Variants in SAA4 observed in about 807,000 individuals in gnomAD.
SAA4 encodes the protein serum amyloid A4, constitutive.
SAA4 carries 8 observed loss-of-function variants against 11.2 expected under a neutral mutation model. That is an observed-to-expected ratio of 0.71 (90% CI 0.42 to 1.29). The LOEUF (loss-of-function observed/expected upper bound fraction) is 1.29. Among genes scored for constraint, SAA4 ranks in the 50% most tolerant of loss-of-function variants. The probability of loss-of-function intolerance (pLI) is 0.01; values close to 1 mark genes in which losing one functional copy is unlikely to be tolerated. For missense variants in SAA4, 171 were observed against 164.2 expected, an observed-to-expected ratio of 1.04 and a Z score of -0.23; for synonymous variants, 60 against 56.2, an observed-to-expected ratio of 1.07 and a Z score of -0.30.
At chr11:18,232,622 G>A (rs1185655724) in intron 2 of SAA4, 89 bp from the exon 3 acceptor site, 9 of 1,526,222 alleles carry the variant, frequency 5.9e-6, no homozygotes, top group Non-Finnish European at 7.9e-6. Flanking sequence ...CCAGATTTTG[G>A]CCCTTGACAA....
chr11:18,235,493 C>T (rs1401457109), intron 2 of SAA4, among the ~76,000 whole-genome samples: 1 of 152,176 alleles, frequency 6.6e-6, no homozygotes, highest in Non-Finnish European at 1.5e-5. Flanking sequence ...ATTGTGAACT[C>T]AGTATATTCC....
chr11:18,232,245 G>A, intron 3 of SAA4, 150 bp downstream of exon 3: 2 of 1,204,392 alleles, frequency 1.7e-6, no homozygotes, highest in East Asian at 2.4e-5. Context: ...GGTGAAAGGA[G>A]ACATGTCTTC....
chr11:18,234,464 G>A (rs949130187), intron 2 of SAA4, among the ~76,000 whole-genome samples: 1 of 152,200 alleles, frequency 6.6e-6, no homozygotes, highest in Non-Finnish European at 1.5e-5. Context: ...ATAGATGTTT[G>A]AAACAGGTCT....
intron 2 of SAA4, 98 bp downstream of exon 2, chr11:18,235,738 T>C: frequency 8.4e-7 from 1 of 1,197,538 alleles, no homozygotes; most frequent in Non-Finnish European, 1.2e-6. Context: ...CTCTGACCTC[T>C]GTGTGGCTTC....
At position 18,236,735 on chromosome 11, in the gene SAA4, A is replaced by C. The variant is rs1378609; in HGVS notation, c.-23T>G. On this transcript the variant is annotated 5_prime_UTR_variant, in exon 1 of 4. Coordinates refer to ENST00000278222, the MANE Select transcript of SAA4 (RefSeq NM_006512.4). ...ACCTCACCTGTGGACCTTTCTCCAG[A>C]TGAAATTTCAGTAAAGGCAGAGCTG... The C allele has an allele frequency of 0.91, 138,123 of 152,228 alleles. 63,453 individuals carry two copies. The highest frequency in any genetic ancestry group is 0.97 in the Non-Finnish European group (66,332 of 68,040). The allele number at this position is 152,228 out of a possible 1,614,324, so 9.4% of individuals were successfully genotyped here. A position where few individuals can be genotyped will look rare whatever the true frequency, so the allele number is the denominator to read the frequency against.
intron 2 of SAA4, among the ~76,000 whole-genome samples, chr11:18,234,232 A>G (rs1857179016): frequency 6.6e-6 from 1 of 152,210 alleles, no homozygotes; most frequent in South Asian, 2.1e-4. Context: ...ACACAGGGAC[A>G]CTAATCAACA....
At position 18,234,960 on chromosome 11, in the gene SAA4, C is replaced by G. The variant is rs187320520; in HGVS notation, c.91+876G>C. Among the ~76,000 whole-genome samples, 432 of 152,318 alleles carry G rather than the reference C, an allele frequency of 2.8e-3. 1 individual carries two copies. Among genetic ancestry groups the G allele is most frequent in the African/African-American group, 9.8e-3 (408 of 41,578 alleles). The stretch of plus-strand genomic sequence containing the variant: ...CTATGAGAAGAGGCTTCAGAGTGTA[C>G]TTTTAAAACAAACACCGGCCGATTT... On this transcript the variant is annotated intron_variant, in intron 2 of 3. Transcript: ENST00000278222.
At chr11:18,234,274 G>A (rs1034739981) in intron 2 of SAA4, among the ~76,000 whole-genome samples, 13 of 152,162 alleles carry the variant, frequency 8.5e-5, no homozygotes, top group African/African-American at 2.4e-4. Flanking sequence ...GTTACCTTTC[G>A]TGAGGGTTGT....
chr11:18,236,012 TTTTC>T, intron 1 of SAA4, 82 bp from the exon 2 acceptor site: 1 of 1,311,200 alleles, frequency 7.6e-7, no homozygotes, highest in African/African-American at 1.5e-5. Context: ...TCTTTCCTTT[TTTTC>T]TTTCTTTTTT....
chr11:18,232,764 C>T (rs1380666221), intron 2 of SAA4, among the ~76,000 whole-genome samples: 1 of 151,828 alleles, frequency 6.6e-6, no homozygotes, highest in Non-Finnish European at 1.5e-5. Flanking sequence ...ATGCCCTGGG[C>T]TACATCTTAC....
chr11:18,234,938 T>C (rs530766636), intron 2 of SAA4, among the ~76,000 whole-genome samples: 54 of 152,334 alleles, frequency 3.5e-4, no homozygotes, highest in African/African-American at 1.3e-3. Context: ...TCAGTAACTA[T>C]GAGAAGAGGC....
rs1157893917 is a variant in SAA4 at position 18,235,888 on chromosome 11, G to T, written c.39C>A (p.Val13=). 5.0e-6 allele frequency: 8 copies of T among 1,613,598 alleles called. No individual in the cohort carries two copies. Among genetic ancestry groups the T allele is most frequent in the Non-Finnish European group, 6.8e-6 (8 of 1,179,782 alleles). The change falls in exon 2 of 4, where the codon GTC becomes GTA. Residue 13 remains valine (V), a synonymous_variant. Coordinates refer to ENST00000278222, the MANE Select transcript of SAA4 (RefSeq NM_006512.4). ...GCCAGCTTTCACTGGTGACTCCCATGACCAAGGAGCAGAAAACAATGCCTG... is the reference window on the plus strand; with the variant it reads ...GCCAGCTTTCACTGGTGACTCCCATTACCAAGGAGCAGAAAACAATGCCTG... ...LFTGIVFCSL[V]MGVTSESWRS... is the part of the protein sequence containing the mutation.
At chr11:18,236,420 C>G (rs956394019) in intron 1 of SAA4, among the ~76,000 whole-genome samples, 8 of 152,136 alleles carry the variant, frequency 5.3e-5, no homozygotes, top group African/African-American at 1.9e-4. Context: ...AGAATCATAA[C>G]TGCATGAAAG....
intron 2 of SAA4, among the ~76,000 whole-genome samples, chr11:18,232,934 G>A (rs80125971): frequency 0.012 from 1,876 of 152,368 alleles, 35 homozygotes; most frequent in African/African-American, 0.042. Context: ...CTCATGTGAG[G>A]AATGTCACAA....
chr11:18,231,537 G>C lies in SAA4; in HGVS notation c.358C>G (p.Arg120Gly), dbSNP rs74389187. Residue 120 changes from arginine to glycine, a missense_variant, in exon 4 of 4, where the codon CGC becomes GGC. Coordinates refer to ENST00000278222, the MANE Select transcript of SAA4 (RefSeq NM_006512.4). ...TTAGGCAGGCCGTCAGGTCTGAAGC[G>C]GTCGGGGTCTTTGCCACTCCGGCCC... is the stretch of plus-strand genomic sequence containing the variant. ...EWGRSGKDPD[R>G]FRPDGLPKKY The C allele has an allele frequency of 6.2e-7, 1 of 1,613,952 alleles. No homozygotes were observed. Among genetic ancestry groups the C allele is most frequent in the East Asian group, 2.2e-5 (1 of 44,880 alleles).
At chr11:18,232,855 G>T (rs1857156974) in intron 2 of SAA4, among the ~76,000 whole-genome samples, 1 of 152,182 alleles carries the variant, frequency 6.6e-6, no homozygotes, top group Non-Finnish European at 1.5e-5. Flanking sequence ...AATTGAATTG[G>T]TTGGCAGTTG....
chr11:18,233,862 G>T (rs1198479867), intron 2 of SAA4, among the ~76,000 whole-genome samples: 1 of 152,030 alleles, frequency 6.6e-6, no homozygotes, highest in Non-Finnish European at 1.5e-5. Flanking sequence ...TTGGGAAGCT[G>T]TTTGCTGGTA....
chr11:18,233,744 G>A (rs1024330692), intron 2 of SAA4, among the ~76,000 whole-genome samples: 4 of 151,430 alleles, frequency 2.6e-5, no homozygotes, highest in Admixed American at 1.3e-4. Flanking sequence ...CAAACTCCTG[G>A]CCTCAAGTGA....
Position 18,235,877 on chromosome 11 carries a change from G to A in SAA4, c.50C>T (p.Thr17Ile). ...IVFCSLVMGVTSESWRSFFKE... is the reference protein window; with the variant it reads ...IVFCSLVMGVISESWRSFFKE... ...GAAAAACGAACGCCAGCTTTCACTG[G>A]TGACTCCCATGACCAAGGAGCAGAA... The change falls in exon 2 of 4, where the codon ACC (threonine) becomes ATC (isoleucine). Residue 17 changes from threonine to isoleucine, a missense_variant. By Grantham distance (89) the Thr-to-Ile change is moderately conservative. Coordinates refer to ENST00000278222, the MANE Select transcript of SAA4 (RefSeq NM_006512.4). The A allele has an allele frequency of 6.2e-7, 1 of 1,613,500 alleles. No homozygotes were observed. The highest frequency in any genetic ancestry group is 1.7e-5 in the Admixed American group (1 of 59,968).
Sources: allele counts gnomAD v4.1 joint callset (sites outside exome capture counted in the v4.1 genomes callset), GRCh38; gene constraint gnomAD v4.1.1; transcripts MANE v1.5; gene names NCBI Gene and HGNC (gene_info 2026-07-23, HGNC 2026-07-21).